The following ZNF26 variants were observed in gnomAD, a reference collection of about 807,000 sequenced individuals.
ZNF26 encodes zinc finger protein 26.
In ZNF26, 32 loss-of-function variants were observed where a neutral mutation model predicts 54.9. The observed-to-expected ratio is 0.58, with a 90% confidence interval of 0.44 to 0.78. The LOEUF is 0.78. Ranked by LOEUF, ZNF26 falls within the 30% of genes least tolerant of loss-of-function variation. The pLI is 0.00. For missense variants in ZNF26, 524 were observed against 634.0 expected (o/e 0.83, Z 1.86); for synonymous variants, 221 against 209.2 (o/e 1.06, Z -0.49).
intron 1 of ZNF26, among the ~76,000 whole-genome samples, chr12:132,988,047 C>G (rs1952863573): frequency 6.6e-6 from 1 of 152,158 alleles, no homozygotes. Flanking sequence ...CTCGCTCTGT[C>G]GCCCAGGCTG....
chr12:133,003,796 C>T (rs1403733944), intron 1 of ZNF26, among the ~76,000 whole-genome samples: 2 of 152,034 alleles, frequency 1.3e-5, no homozygotes, highest in African/African-American at 2.4e-5. Flanking sequence ...AAGAATAATG[C>T]CCGAGTATTG....
Position 133,018,640 on chromosome 12 carries a change from A to G in ZNF26, c.*7159A>G, listed in dbSNP as rs1446222659. 6.6e-6 allele frequency: 1 copy of G among 152,212 alleles called. No individual in the cohort carries two copies. The highest frequency in any genetic ancestry group is 6.5e-5 in the Admixed American group (1 of 15,270). The allele number at this position is 152,212 out of a possible 1,614,324, so 9.4% of individuals were successfully genotyped here. ...GAAAGCAGCATATGTAAATCTAACT[A>G]TATCAATAATAACTTTTTTTTAAGA... On this transcript the variant is annotated 3_prime_UTR_variant, in exon 4 of 4. Coordinates refer to ENST00000328654, the MANE Select transcript of ZNF26 (RefSeq NM_019591.4).
intron 1 of ZNF26, among the ~76,000 whole-genome samples, chr12:133,000,090 A>T (rs1953177452): frequency 6.6e-6 from 1 of 152,086 alleles, no homozygotes; most frequent in Non-Finnish European, 1.5e-5. Context: ...ATGTCCCATT[A>T]CAGTAGAACT....
Position 133,011,274 on chromosome 12 carries a change from G to A in ZNF26, c.1395G>A (p.Arg465=). 3.7e-6 allele frequency: 6 copies of A among 1,613,974 alleles called. No individual in the cohort carries two copies. Among genetic ancestry groups the A allele is most frequent in the Non-Finnish European group, 4.2e-6 (5 of 1,179,964 alleles). The change falls in exon 4 of 4, where the codon AGG becomes AGA. Residue 465 remains arginine, a synonymous_variant. Coordinates refer to ENST00000328654, the MANE Select transcript of ZNF26 (RefSeq NM_019591.4). ...ATGAATGTGAAAAAGCCTACCCTAG[G>A]AAGGCATCACTTCAGATACACCAGA... is the stretch of plus-strand genomic sequence containing the variant. The part of the protein sequence containing the change: ...ECNECEKAYP[R]KASLQIHQKT...
Position 132,987,225 on chromosome 12 carries a change from G to A in ZNF26, c.33+352G>A, listed in dbSNP as rs967252704. ...TGATCAGTTCCTCCTTTTTCGTTTG[G>A]CCAAATGCTTGTTTATGGAGTGTCC... On this transcript the variant is annotated intron_variant, in intron 1 of 3. Transcript: ENST00000328654. 5.8e-3 allele frequency among the ~76,000 whole-genome samples: 886 copies of A among 152,186 alleles called. 36 individuals carry two copies. The highest frequency in any genetic ancestry group is 0.051 in the Admixed American group (783 of 15,282).
At chr12:132,995,069 A>G (rs1363142294) in intron 1 of ZNF26, 2 of 152,206 alleles carry the variant, frequency 1.3e-5, no homozygotes, top group Non-Finnish European at 2.9e-5. Context: ...GTATATTTAA[A>G]TTTAGTACAT....
chr12:132,987,741 A>T (rs2137202347), intron 1 of ZNF26: 1 of 985,352 alleles, frequency 1.0e-6, no homozygotes, highest in African/African-American at 1.7e-5. Flanking sequence ...TCAGAGTGTG[A>T]CCAACTGGAA....
At chr12:132,998,656 G>T (rs1953144681) in intron 1 of ZNF26, among the ~76,000 whole-genome samples, 1 of 152,164 alleles carries the variant, frequency 6.6e-6, no homozygotes, top group Non-Finnish European at 1.5e-5. Context: ...CACAGATCAG[G>T]AATCTTTAAG....
At chr12:132,989,146 C>T (rs1469700817) in intron 1 of ZNF26, among the ~76,000 whole-genome samples, 1 of 147,094 alleles carries the variant, frequency 6.8e-6, no homozygotes, top group Non-Finnish European at 1.5e-5. Flanking sequence ...AAGCGATTCT[C>T]CTGCCTGAGC....
chr12:132,997,274 GATT>G (rs1953108084), intron 1 of ZNF26, among the ~76,000 whole-genome samples: 1 of 152,142 alleles, frequency 6.6e-6, no homozygotes, highest in African/African-American at 2.4e-5. Context: ...TCACATGGTA[GATT>G]AGTTTCCAAG....
At chr12:132,994,052 C>T (rs116273913) in intron 1 of ZNF26, among the ~76,000 whole-genome samples, 18 of 152,236 alleles carry the variant, frequency 1.2e-4, no homozygotes, top group African/African-American at 3.4e-4. Flanking sequence ...TCTGACAAAA[C>T]CCCAATATAT....
intron 3 of ZNF26, among the ~76,000 whole-genome samples, chr12:133,009,565 C>T (rs1953423773): frequency 6.6e-6 from 1 of 151,562 alleles, no homozygotes; most frequent in African/African-American, 2.4e-5. Context: ...GCACTCCAGC[C>T]TGAGTGAAAG....
intron 1 of ZNF26, among the ~76,000 whole-genome samples, chr12:132,992,019 G>A (rs1319228697): frequency 6.6e-6 from 1 of 151,864 alleles, no homozygotes; most frequent in Non-Finnish European, 1.5e-5. Flanking sequence ...ATGGTGGTGC[G>A]TGCCTGTAGG....
chr12:133,003,297 C>G (rs1953258740), intron 1 of ZNF26, among the ~76,000 whole-genome samples: 1 of 149,160 alleles, frequency 6.7e-6, no homozygotes, highest in South Asian at 2.1e-4. Context: ...GCTCTGTTGC[C>G]CAGCTGGAGT....
chr12:133,007,496 A>G lies in ZNF26; in HGVS notation c.220A>G (p.Ile74Val). 6.2e-7 allele frequency: 1 copy of G among 1,613,992 alleles called. No homozygotes were observed. Among genetic ancestry groups the G allele is most frequent in the African/African-American group, 1.3e-5 (1 of 75,050 alleles). ...FKLEQGEDPWIINAKISRQSC... is the reference protein window; with the variant it reads ...FKLEQGEDPWVINAKISRQSC... ...GTTGGAACAAGGAGAAGATCCATGGATAATAAATGCCAAAATTTCCAGGCA... is the reference window on the plus strand; with the variant it reads ...GTTGGAACAAGGAGAAGATCCATGGGTAATAAATGCCAAAATTTCCAGGCA... The change falls in exon 3 of 4, where the codon ATA (isoleucine) becomes GTA (valine). Residue 74 changes from isoleucine to valine, a missense_variant. Physicochemically the swap from Ile to Val is conservative, Grantham distance 29 (BLOSUM62 3). Coordinates refer to ENST00000328654, the MANE Select transcript of ZNF26 (RefSeq NM_019591.4).
intron 1 of ZNF26, 165 bp from the exon 2 acceptor site, chr12:133,006,877 C>T: frequency 1.1e-6 from 1 of 916,422 alleles, no homozygotes; most frequent in Non-Finnish European, 1.7e-6. Context: ...AGCCACCGTG[C>T]CTGGCACTCC....
In ZNF26 at chr12:133,026,295, T is replaced by G. The variant is rs1256425805; in HGVS notation, c.*14814T>G. The G allele has an allele frequency of 6.6e-6, 1 of 152,028 alleles. No individual in the cohort carries two copies. The highest frequency in any genetic ancestry group is 1.5e-5 in the Non-Finnish European group (1 of 68,020). 9.4% of individuals were successfully genotyped at this position (152,028 alleles called of 1,614,324 possible). On this transcript the variant is annotated 3_prime_UTR_variant, in exon 4 of 4. Transcript: ENST00000328654. ...TTTGTATTTTTAGTAGAGATGGGGT[T>G]TCACCATCTTGGGCAGGCTGGTCTT...
Position 133,010,190 on chromosome 12 carries a change from G to A in ZNF26, c.311G>A (p.Arg104Lys), listed in dbSNP as rs1306259931. ...NNQDELESIE[R>K]SYACSVLGRL... Reference sequence around the variant, plus strand: ...CAAGATGAGCTTGAGAGTATTGAAAGAAGCTATGCTTGTAGTGTGTTGGGA... The same window carrying A: ...CAAGATGAGCTTGAGAGTATTGAAAAAAGCTATGCTTGTAGTGTGTTGGGA... Residue 104 changes from arginine to lysine, a missense_variant, in exon 4 of 4, where the codon AGA becomes AAA. Transcript: ENST00000328654. 2 of 1,611,260 alleles carry A rather than the reference G, an allele frequency of 1.2e-6. No individual in the cohort carries two copies. The highest frequency in any genetic ancestry group is 2.7e-5 in the African/African-American group (2 of 74,778).
Position 133,007,067 on chromosome 12 carries a change from C to T in ZNF26, c.59C>T (p.Ser20Phe). ...CWGLLSFKDI[S>F]MEFTWDEWQL... ...GGATTATTGTCATTCAAGGATATATCTATGGAGTTCACCTGGGATGAATGG... is the reference window on the plus strand; with the variant it reads ...GGATTATTGTCATTCAAGGATATATTTATGGAGTTCACCTGGGATGAATGG... Residue 20 changes from serine (S) to phenylalanine (F), a missense_variant, in exon 2 of 4, where the codon TCT becomes TTT. Ser to Phe is a radical substitution (Grantham distance 155). Coordinates refer to ENST00000328654, the MANE Select transcript of ZNF26 (RefSeq NM_019591.4). The T allele has an allele frequency of 6.2e-7, 1 of 1,614,072 alleles. No homozygotes were observed. The highest frequency in any genetic ancestry group is 8.5e-7 in the Non-Finnish European group (1 of 1,179,960).
Sources: allele counts gnomAD v4.1 joint callset (sites outside exome capture counted in the v4.1 genomes callset), GRCh38; gene constraint gnomAD v4.1.1; transcripts MANE v1.5; gene names NCBI Gene and HGNC (gene_info 2026-07-23, HGNC 2026-07-21).